Variants in PAQR5 observed in about 807,000 individuals in gnomAD.
PAQR5 encodes the protein membrane progestin receptor gamma.
PAQR5 carries 20 observed loss-of-function variants against 34.5 expected under a neutral mutation model. The ratio of observed to expected loss-of-function variants is 0.58; its 90% confidence interval spans 0.41 to 0.84. The LOEUF (loss-of-function observed/expected upper bound fraction) is 0.84. Among genes scored for constraint, PAQR5 ranks in the 40% least tolerant of loss-of-function variants. The pLI, the probability that PAQR5 is intolerant of heterozygous loss-of-function variation, is 0.00. For synonymous variants in PAQR5, 131 were observed against 155.6 expected (o/e 0.84, Z 1.18); for missense variants, 378 against 412.7 (o/e 0.92, Z 0.73).
intron 6 of PAQR5, among the ~76,000 whole-genome samples, chr15:69,396,688 C>G (rs1231718868): frequency 6.6e-6 from 1 of 152,168 alleles, no homozygotes; most frequent in Non-Finnish European, 1.5e-5. Flanking sequence ...CTGCCCCTCC[C>G]CATGTCCTCC....
At chr15:69,322,102 G>A (rs2054110487) in intron 1 of PAQR5, among the ~76,000 whole-genome samples, 1 of 139,054 alleles carries the variant, frequency 7.2e-6, no homozygotes, top group African/African-American at 2.9e-5. Flanking sequence ...CACTTTTGGA[G>A]GCCAAGGTGG....
intron 2 of PAQR5, among the ~76,000 whole-genome samples, chr15:69,341,160 C>G (rs2054630386): frequency 1.3e-5 from 2 of 151,838 alleles, no homozygotes; most frequent in South Asian, 4.2e-4. Context: ...CCCTTAAACA[C>G]TAATTCCCCA....
At chr15:69,376,030 T>C (rs748373599) in intron 3 of PAQR5, among the ~76,000 whole-genome samples, 1 of 152,240 alleles carries the variant, frequency 6.6e-6, no homozygotes, top group Non-Finnish European at 1.5e-5. Context: ...TCCTGGATGC[T>C]GAGCTTGAGG....
At chr15:69,370,058 C>A (rs2055514998) in intron 3 of PAQR5, among the ~76,000 whole-genome samples, 1 of 152,188 alleles carries the variant, frequency 6.6e-6, no homozygotes, top group African/African-American at 2.4e-5. Context: ...ATATTAATTG[C>A]ATTAATCAGA....
intron 6 of PAQR5, chr15:69,397,143 T>G: frequency 2.1e-6 from 1 of 484,924 alleles, no homozygotes; most frequent in South Asian, 1.5e-5. Flanking sequence ...CAACTAGAGT[T>G]TTAAAAGGTT....
intron 3 of PAQR5, among the ~76,000 whole-genome samples, chr15:69,375,960 G>A (rs1327989914): frequency 2.6e-5 from 4 of 152,176 alleles, no homozygotes; most frequent in South Asian, 2.1e-4. Flanking sequence ...AAACTGTCAC[G>A]GTAGAATTGT....
chr15:69,377,747 A>G (rs989661729), intron 3 of PAQR5, among the ~76,000 whole-genome samples: 4 of 151,956 alleles, frequency 2.6e-5, no homozygotes, highest in Non-Finnish European at 4.4e-5. Context: ...GCCACATGGC[A>G]CCTCGGGGAC....
chr15:69,351,002 G>A (rs952842358), intron 2 of PAQR5, among the ~76,000 whole-genome samples: 5 of 152,198 alleles, frequency 3.3e-5, no homozygotes, highest in Non-Finnish European at 2.9e-5. Context: ...AGTCAGAGGC[G>A]AGGCTCATAG....
chr15:69,307,061 T>C (rs1367338963), intron 1 of PAQR5, among the ~76,000 whole-genome samples: 1 of 151,888 alleles, frequency 6.6e-6, no homozygotes, highest in Non-Finnish European at 1.5e-5. Flanking sequence ...TTCCTTCTTT[T>C]TTAAGGCTGC....
rs1173736941 is a variant in PAQR5, at chr15:69,300,869, CT to C, written c.-277+1816del. The stretch of plus-strand genomic sequence containing the variant: ...TCTTTCTTTCTTTCTTTCTTTCTTT[CT>C]TTCTTTCTTTCTTTCTTTCTTTCTT... On this transcript the variant is annotated intron_variant, in intron 1 of 8. Coordinates refer to ENST00000395407, the MANE Select transcript of PAQR5 (RefSeq NM_017705.4). Among the ~76,000 whole-genome samples, 8 of 21,524 alleles carry C rather than the reference CT, an allele frequency of 3.7e-4. 2 individuals are homozygous for C. The highest frequency in any genetic ancestry group is 1.1e-3 in the African/African-American group (8 of 7,406). The allele number at this position is 21,524 out of a possible 152,430, so 14.1% of individuals were successfully genotyped here.
intron 1 of PAQR5, among the ~76,000 whole-genome samples, chr15:69,323,784 C>T (rs1032273810): frequency 2.0e-5 from 3 of 149,050 alleles, no homozygotes; most frequent in Non-Finnish European, 3.0e-5. Context: ...CAATGAACAG[C>T]CTTCTAAATC....
chr15:69,331,340 A>G (rs1275575393), intron 1 of PAQR5, among the ~76,000 whole-genome samples: 1 of 152,184 alleles, frequency 6.6e-6, no homozygotes, highest in Non-Finnish European at 1.5e-5. Flanking sequence ...AACTAGTAAG[A>G]AGAGTCTTGG....
intron 2 of PAQR5, among the ~76,000 whole-genome samples, chr15:69,340,746 G>T (rs954870286): frequency 6.6e-6 from 1 of 152,062 alleles, no homozygotes; most frequent in African/African-American, 2.4e-5. Context: ...TTTTGACTTT[G>T]CCAGGCCCTC....
At chr15:69,321,416 C>T (rs552851423) in intron 1 of PAQR5, among the ~76,000 whole-genome samples, 22 of 152,230 alleles carry the variant, frequency 1.4e-4, no homozygotes, top group Non-Finnish European at 2.2e-4. Flanking sequence ...TTGTTACAGC[C>T]GGTCTGAGAC....
Position 69,324,248 on chromosome 15 carries a change from G to A in PAQR5, c.-276-13093G>A, listed in dbSNP as rs770016380. Among the ~76,000 whole-genome samples, 19 of 152,190 alleles carry A rather than the reference G, an allele frequency of 1.2e-4. No homozygotes were observed. In the South Asian group the frequency reaches 1.7e-3, roughly 13 times the overall value. On this transcript the variant is annotated intron_variant, in intron 1 of 8. Coordinates refer to ENST00000395407, the MANE Select transcript of PAQR5 (RefSeq NM_017705.4). ...CACACAGGGAGTGCCCATTTGCCAC[G>A]GCTCCAGCCCAGGAGGTGGGTCAGA...
At chr15:69,394,112 GTTTTTTGT>G (rs2056346264) in intron 6 of PAQR5, among the ~76,000 whole-genome samples, 16 of 147,174 alleles carry the variant, frequency 1.1e-4, no homozygotes, top group African/African-American at 3.6e-4. Flanking sequence ...TTTTTTTTTT[GTTTTTTGT>G]TTTTTTTTTT....
intron 6 of PAQR5, among the ~76,000 whole-genome samples, chr15:69,396,223 T>G (rs576176217): frequency 6.7e-6 from 1 of 148,474 alleles, no homozygotes; most frequent in African/African-American, 2.5e-5. Context: ...ATACGAGATA[T>G]GAACAGCCTG....
chr15:69,346,935 A>G (rs11638493), intron 2 of PAQR5, among the ~76,000 whole-genome samples: 151,717 of 152,270 alleles, frequency 1, 75,583 homozygotes, highest in Middle Eastern at 1. Context: ...TCCTGCTTCA[A>G]CCTCCTGAGT....
rs71149910 is a variant in PAQR5, at chr15:69,358,633, A to ATTTTTTTTTTTTTTT, written c.-115-1331_-115-1317dup. On this transcript the variant is annotated intron_variant, in intron 2 of 8. Transcript: ENST00000395407. ...GCCCTTTTCTTTTCAGCTCTGTGGC[A>ATTTTTTTTTTTTTTT]TTTTTTTTTTTTTTTTGAGACAGAT... Among the ~76,000 whole-genome samples the ATTTTTTTTTTTTTTT allele has an allele frequency of 7.3e-4, 62 of 84,476 alleles. 6 individuals carry two copies. Among genetic ancestry groups the ATTTTTTTTTTTTTTT allele is most frequent in the Non-Finnish European group, 9.1e-4 (44 of 48,178 alleles). The allele number at this position is 84,476 out of a possible 152,430, so 55.4% of individuals were successfully genotyped here.
Sources: gnomAD v4.1 joint callset for allele counts (sites outside exome capture counted in the v4.1 genomes callset) on GRCh38, gnomAD v4.1.1 for gene constraint, MANE v1.5 for transcripts, NCBI Gene and HGNC (gene_info 2026-07-23, HGNC 2026-07-21) for gene names.